Variants in TMEM74 observed in about 807,000 individuals in gnomAD.
TMEM74 encodes the protein transmembrane protein 74.
Under a neutral mutation model 18.1 loss-of-function variants are expected in TMEM74, and 13 were observed. That is an observed-to-expected ratio of 0.72 (90% confidence interval 0.47 to 1.14). The LOEUF (loss-of-function observed/expected upper bound fraction) is 1.14, where lower values mean the gene tolerates loss of function less well. Ranked by LOEUF, TMEM74 falls within the 50% of genes most tolerant of loss-of-function variation. TMEM74 has a pLI of 0.00. For missense variants in TMEM74, 372 were observed against 375.9 expected, an observed-to-expected ratio of 0.99 and a Z score of 0.09; for synonymous variants, 159 against 146.6, an observed-to-expected ratio of 1.08 and a Z score of -0.61.
Position 108,756,717 on chromosome 8 carries a change from A to AAGG in TMEM74, n.119+30758_119+30759insCCT, listed in dbSNP as rs1248507148. 4.1e-4 allele frequency among the ~76,000 whole-genome samples: 43 copies of AAGG among 103,810 alleles called. 1 individual carries two copies. The highest frequency in any genetic ancestry group is 1.0e-3 in the South Asian group (3 of 2,902). The allele number at this position is 103,810 out of a possible 152,430, so 68.1% of individuals were successfully genotyped here. A position where few individuals can be genotyped will look rare whatever the true frequency, so the allele number is the denominator to read the frequency against. ...GAAAGAAGGAAGGAAAGAAAGAAAG[A>AAGG]AAGAGAAAGAAAGAAAGAGAAAGAA... On this transcript the variant is annotated intron_variant and non_coding_transcript_variant, in intron 1 of 3. Coordinates refer to the TMEM74 transcript ENST00000518838.
intron 1 of TMEM74, among the ~76,000 whole-genome samples, chr8:108,727,539 C>G (rs1050513628): frequency 1.3e-5 from 2 of 152,060 alleles, no homozygotes; most frequent in Admixed American, 1.3e-4. Flanking sequence ...ATGTGGGGAG[C>G]TGTGGTGAAG....
At chr8:108,656,704 T>G (rs1349462200) in intron 1 of TMEM74, among the ~76,000 whole-genome samples, 1 of 152,176 alleles carries the variant, frequency 6.6e-6, no homozygotes, top group Non-Finnish European at 1.5e-5. Context: ...AAATTCAGCT[T>G]AGAATTCCTG....
chr8:108,699,204 C>CTTT (rs1813312930), intron 1 of TMEM74, among the ~76,000 whole-genome samples: 1 of 139,688 alleles, frequency 7.2e-6, no homozygotes, highest in African/African-American at 2.7e-5. Context: ...TCCCTCCCTC[C>CTTT]CTCCCTCTCT....
chr8:108,764,287 T>A (rs1002556363), intron 1 of TMEM74, among the ~76,000 whole-genome samples: 2 of 152,116 alleles, frequency 1.3e-5, no homozygotes, highest in African/African-American at 4.8e-5. Flanking sequence ...TTGATAGAAT[T>A]TCAACAGGCT....
intron 1 of TMEM74, among the ~76,000 whole-genome samples, chr8:108,723,228 C>T (rs180773813): frequency 2.6e-5 from 4 of 152,326 alleles, no homozygotes; most frequent in African/African-American, 2.4e-5. Context: ...TGCACAGATT[C>T]ACTGCCATGT....
chr8:108,696,124 A>G (rs1468028268), intron 1 of TMEM74, among the ~76,000 whole-genome samples: 1 of 152,234 alleles, frequency 6.6e-6, no homozygotes, highest in Non-Finnish European at 1.5e-5. Context: ...AAAAGTCTTC[A>G]TATGTAACTT....
chr8:108,659,264 CACAT>C (rs1812877137), intron 1 of TMEM74, among the ~76,000 whole-genome samples: 1 of 152,072 alleles, frequency 6.6e-6, no homozygotes, highest in Non-Finnish European at 1.5e-5. Context: ...AACACACACA[CACAT>C]ACAGACACAC....
intron 1 of TMEM74, among the ~76,000 whole-genome samples, chr8:108,683,126 G>A (rs1034506561): frequency 5.9e-5 from 9 of 151,722 alleles, no homozygotes; most frequent in African/African-American, 1.7e-4. Flanking sequence ...GGTAAAAGTG[G>A]AATATATAAA....
chr8:108,754,906 CT>C (rs1163050560), intron 1 of TMEM74, among the ~76,000 whole-genome samples: 1 of 151,906 alleles, frequency 6.6e-6, no homozygotes, highest in Non-Finnish European at 1.5e-5. Context: ...AGGGGGCAAT[CT>C]CTTCTTTCCT....
chr8:108,749,490 A>G (rs999656893), intron 1 of TMEM74, among the ~76,000 whole-genome samples: 25 of 152,162 alleles, frequency 1.6e-4, no homozygotes, highest in Non-Finnish European at 3.2e-4. Flanking sequence ...CAATTTTTTC[A>G]CATTGATTTT....
intron 1 of TMEM74, among the ~76,000 whole-genome samples, chr8:108,691,747 T>C (rs886953836): frequency 2.0e-5 from 3 of 152,144 alleles, no homozygotes; most frequent in Non-Finnish European, 4.4e-5. Context: ...AGGACATAAA[T>C]TCACAGTGTT....
At chr8:108,678,805 G>T (rs1024724643) in intron 1 of TMEM74, among the ~76,000 whole-genome samples, 1 of 150,620 alleles carries the variant, frequency 6.6e-6, no homozygotes, top group Non-Finnish European at 1.5e-5. Flanking sequence ...GTGCAGGTTT[G>T]TTACATATGT....
intron 2 of TMEM74, among the ~76,000 whole-genome samples, chr8:108,625,211 C>G (rs1019133219): frequency 5.9e-5 from 9 of 151,910 alleles, no homozygotes; most frequent in African/African-American, 2.2e-4. Context: ...AGGGAACACA[C>G]AGATTTTAAA....
At position 108,713,462 on chromosome 8, in the gene TMEM74, A is replaced by AT. The variant is rs1198894409; in HGVS notation, n.120-58026dup. Reference sequence around the variant, plus strand: ...AGAAAGATGCATTCATTCAATACATATTTTTTATCACCTATGATGTGCTGG... The same window carrying AT: ...AGAAAGATGCATTCATTCAATACATATTTTTTTATCACCTATGATGTGCTGG... On this transcript the variant is annotated intron_variant and non_coding_transcript_variant, in intron 1 of 3. Transcript: ENST00000518838. Among the ~76,000 whole-genome samples the AT allele has an allele frequency of 2.0e-5, 3 of 152,296 alleles. No homozygotes were observed. The South Asian group carries it at 6.2e-4, about 32-fold the overall frequency.
chr8:108,690,482 T>G (rs989477906), intron 1 of TMEM74, among the ~76,000 whole-genome samples: 1 of 151,724 alleles, frequency 6.6e-6, no homozygotes, highest in African/African-American at 2.4e-5. Context: ...GCAGGTTTTT[T>G]GTTTTTTTTT....
chr8:108,706,969 G>A (rs1366364227), intron 1 of TMEM74, among the ~76,000 whole-genome samples: 1 of 152,078 alleles, frequency 6.6e-6, no homozygotes, highest in Non-Finnish European at 1.5e-5. Flanking sequence ...CCGCCTTGAA[G>A]TATTACCTTC....
intron 2 of TMEM74, among the ~76,000 whole-genome samples, chr8:108,654,265 T>TCTGCTACCTACTAG (rs1403012955): frequency 6.6e-6 from 1 of 152,162 alleles, no homozygotes; most frequent in Non-Finnish European, 1.5e-5. Flanking sequence ...AAATCTTAGG[T>TCTGCTACCTACTAG]CTGCTACTTA....
intron 1 of TMEM74, among the ~76,000 whole-genome samples, chr8:108,660,324 T>C (rs1812887425): frequency 6.6e-6 from 1 of 152,208 alleles, no homozygotes; most frequent in Non-Finnish European, 1.5e-5. Flanking sequence ...ATCTTAAACT[T>C]GATGGTTAAG....
At chr8:108,656,919 C>G (rs1377477178) in intron 1 of TMEM74, among the ~76,000 whole-genome samples, 1 of 152,008 alleles carries the variant, frequency 6.6e-6, no homozygotes, top group Non-Finnish European at 1.5e-5. Context: ...CTTCCAAATT[C>G]TGGTAAAAAT....
Sources: gnomAD v4.1 joint callset for allele counts (sites outside exome capture counted in the v4.1 genomes callset) on GRCh38, gnomAD v4.1.1 for gene constraint, MANE v1.5 for transcripts, NCBI Gene and HGNC (gene_info 2026-07-23, HGNC 2026-07-21) for gene names.